ABCG1: variants seen among roughly 807,000 people sequenced by gnomAD.
ABCG1 encodes ATP binding cassette subfamily G member 1.
A neutral mutation model predicts 69.2 loss-of-function variants in ABCG1; 29 were observed. The observed-to-expected ratio is 0.42, with a 90% CI of 0.31 to 0.57. The LOEUF (loss-of-function observed/expected upper bound fraction) is 0.57, where lower values mean the gene tolerates loss of function less well. Ranked by LOEUF, ABCG1 falls within the 20% of genes least tolerant of loss-of-function variation. The pLI, the probability that ABCG1 is intolerant of heterozygous loss-of-function variation, is 0.15. For missense variants in ABCG1, 718 were observed against 898.1 expected (o/e 0.80, Z 2.56); for synonymous variants, 370 against 374.8 (o/e 0.99, Z 0.15).
intron 5 of ABCG1, among the ~76,000 whole-genome samples, 159 bp from the exon 6 acceptor site, chr21:42,282,115 G>A (rs2068820878): frequency 6.6e-6 from 1 of 152,250 alleles, no homozygotes; most frequent in Admixed American, 6.5e-5. Flanking sequence ...ACTTGGCACT[G>A]GGCAGCCTGG....
At chr21:42,212,973 A>G (rs191971973), upstream of ABCG1, among the ~76,000 whole-genome samples, 134 of 152,330 alleles carry the variant, frequency 8.8e-4, 4 homozygotes, top group Middle Eastern at 3.4e-3. Flanking sequence ...GATTACAGGC[A>G]TGAGCCACCG....
At chr21:42,269,629 G>A (rs1009151735) in intron 2 of ABCG1, among the ~76,000 whole-genome samples, 1 of 152,234 alleles carries the variant, frequency 6.6e-6, no homozygotes, top group Non-Finnish European at 1.5e-5. Flanking sequence ...GCAGTCCCAA[G>A]CTTCCTGACT....
At chr21:42,257,933 A>C (rs1045249378) in intron 2 of ABCG1, among the ~76,000 whole-genome samples, 2 of 148,850 alleles carry the variant, frequency 1.3e-5, no homozygotes, top group African/African-American at 5.0e-5. Context: ...CCATTTTCCC[A>C]TCCACTCCAT....
intron 2 of ABCG1, among the ~76,000 whole-genome samples, chr21:42,244,131 T>TA (rs1046216326): frequency 6.6e-6 from 1 of 152,178 alleles, no homozygotes; most frequent in African/African-American, 2.4e-5. Context: ...TCTTTGGCTT[T>TA]AAAAAAATGT....
intron 5 of ABCG1, among the ~76,000 whole-genome samples, chr21:42,279,672 A>G (rs1244792487): frequency 6.6e-6 from 1 of 152,240 alleles, no homozygotes; most frequent in African/African-American, 2.4e-5. Flanking sequence ...GCATAAGGCG[A>G]CAGCCACCAG....
At chr21:42,285,319 A>C (rs1426733769) in intron 7 of ABCG1, among the ~76,000 whole-genome samples, 1 of 152,002 alleles carries the variant, frequency 6.6e-6, no homozygotes, top group Non-Finnish European at 1.5e-5. Flanking sequence ...GCAACATGGT[A>C]AAACCCTGTC....
Position 42,288,226 on chromosome 21 carries a change from G to A in ABCG1, c.1138G>A (p.Glu380Lys), listed in dbSNP as rs1256616211. The A allele has an allele frequency of 6.2e-7, 1 of 1,614,200 alleles. No homozygotes were observed. The highest frequency in any genetic ancestry group is 8.5e-7 in the Non-Finnish European group (1 of 1,180,030). ...GTGTCCTCAGGACTCCTCGTCCATGGAAGGCTGCCACAGCTTCTCTGCCAG... is the reference window on the plus strand; with the variant it reads ...GTGTCCTCAGGACTCCTCGTCCATGAAAGGCTGCCACAGCTTCTCTGCCAG... ...RPSEEDSSSM[E>K]GCHSFSASCL... Residue 380 changes from glutamate (E) to lysine (K), a missense_variant, in exon 10 of 15, where the codon GAA becomes AAA. By Grantham distance (56) the Glu-to-Lys change is moderately conservative. Coordinates refer to ENST00000398449, the MANE Select transcript of ABCG1 (RefSeq NM_016818.3). The surrounding 1 kb of genome is among the most constrained non-coding windows in gnomAD (Gnocchi z 4.8).
At chr21:42,292,113 C>T (rs929714102) in intron 13 of ABCG1, among the ~76,000 whole-genome samples, 1 of 152,146 alleles carries the variant, frequency 6.6e-6, no homozygotes, top group Non-Finnish European at 1.5e-5. Flanking sequence ...CATCGCCCAC[C>T]CTGCCCCCCG....
intron 4 of ABCG1, among the ~76,000 whole-genome samples, chr21:42,274,030 G>A (rs942683828): frequency 6.6e-6 from 1 of 152,244 alleles, no homozygotes. Context: ...GGAGCCCAGG[G>A]TCACACGGCT....
intron 2 of ABCG1, among the ~76,000 whole-genome samples, chr21:42,267,269 GGTCTGGTTTGGGTTCT>G (rs2068521740): frequency 6.6e-6 from 1 of 152,196 alleles, no homozygotes; most frequent in Non-Finnish European, 1.5e-5. Flanking sequence ...CTGAGGCTCT[GGTCTGGTTTGGGTTCT>G]GTCTGGGTTC....
intron 8 of ABCG1, chr21:42,286,253 G>C: frequency 4.8e-6 from 2 of 420,490 alleles, no homozygotes; most frequent in Non-Finnish European, 8.6e-6. Context: ...GAGGACAGCA[G>C]TCATTGGATT....
At chr21:42,237,289 C>T (rs1278195282) in intron 2 of ABCG1, among the ~76,000 whole-genome samples, 1 of 152,204 alleles carries the variant, frequency 6.6e-6, no homozygotes, top group South Asian at 2.1e-4. Context: ...CCCTTTTTCT[C>T]TCCCAGCCCT....
rs375627901 is a variant in ABCG1, at chr21:42,260,222, T to G, written c.287-10848T>G. ...TCAGAGTAGATGCTCACTTCAACCC[T>G]GCAGGTGGCATTGGGCGGCAAGCAT... On this transcript the variant is annotated intron_variant, in intron 2 of 14. Coordinates refer to ENST00000398449, the MANE Select transcript of ABCG1 (RefSeq NM_016818.3). The G allele has an allele frequency of 4.5e-4, 697 of 1,540,216 alleles. 2 individuals are homozygous for G. The African/African-American group carries it at 7.3e-3, about 16-fold the overall frequency.
rs1601449895 is a variant in ABCG1, at chr21:42,287,466, A to G, written c.974-423A>G. On this transcript the variant is annotated intron_variant, in intron 8 of 14. Coordinates refer to ENST00000398449, the MANE Select transcript of ABCG1 (RefSeq NM_016818.3). This position sits in a 1 kb window ranked among gnomAD's most constrained non-coding sequence, Gnocchi z 6.2. ...ACGTCCTTCTCTGCCATCTTGTAGA[A>G]CTGCCGTGGCTCTCGTCACACCCTG... 6.6e-6 allele frequency among the ~76,000 whole-genome samples: 1 copy of G among 152,136 alleles called. No homozygotes were observed. The highest frequency in any genetic ancestry group is 2.4e-5 in the African/African-American group (1 of 41,412).
Position 42,290,103 on chromosome 21 carries a change from C to T in ABCG1, c.1278C>T (p.Gly426=). 1 of 1,614,216 alleles carries T rather than the reference C, an allele frequency of 6.2e-7. No individual in the cohort carries two copies. The highest frequency in any genetic ancestry group is 8.5e-7 in the Non-Finnish European group (1 of 1,180,036). ...ACATTGGGATCGGCCTCCTCATTGG[C>T]CTGCTGTACTTGGGGATCGGGAACG... ...TSHIGIGLLI[G]LLYLGIGNEA... is the part of the protein sequence containing the mutation. Residue 426 remains glycine (G), a synonymous_variant, in exon 11 of 15, where the codon GGC becomes GGT. Transcript: ENST00000398449.
intron 2 of ABCG1, among the ~76,000 whole-genome samples, chr21:42,250,088 T>A (rs561004948): frequency 6.7e-6 from 1 of 149,660 alleles, no homozygotes; most frequent in Non-Finnish European, 1.5e-5. Flanking sequence ...TTGGGTCACG[T>A]GTGAACACAT....
In ABCG1 at chr21:42,288,934, G is replaced by A. The variant is rs377609341; in HGVS notation, c.1224+622G>A. Among the ~76,000 whole-genome samples, 54 of 152,098 alleles carry A rather than the reference G, an allele frequency of 3.6e-4. 1 individual carries two copies. The highest frequency in any genetic ancestry group is 5.0e-4 in the Non-Finnish European group (34 of 67,998). ...GGTGGAAGGCAAAGTGGGATGGAGC[G>A]CTACACACTTTTAAACATTCAGATC... On this transcript the variant is annotated intron_variant, in intron 10 of 14. Coordinates refer to ENST00000398449, the MANE Select transcript of ABCG1 (RefSeq NM_016818.3). The surrounding 1 kb of genome is among the most constrained non-coding windows in gnomAD (Gnocchi z 4.8).
intron 2 of ABCG1, chr21:42,259,425 C>T (rs2068366366): frequency 3.9e-6 from 6 of 1,549,860 alleles, no homozygotes; most frequent in Non-Finnish European, 5.2e-6. Flanking sequence ...TGATTCAGCT[C>T]TTCAGGGAAA....
intron 5 of ABCG1, among the ~76,000 whole-genome samples, chr21:42,280,916 T>C (rs1205289830): frequency 1.3e-5 from 2 of 152,192 alleles, no homozygotes; most frequent in African/African-American, 4.8e-5. Context: ...CCACCAGCCT[T>C]TTCCAGACAG....
Sources: allele counts gnomAD v4.1 joint callset (sites outside exome capture counted in the v4.1 genomes callset), GRCh38; gene constraint gnomAD v4.1.1; non-coding constraint Gnocchi (gnomAD v3.1); transcripts MANE v1.5; gene names NCBI Gene and HGNC (gene_info 2026-07-23, HGNC 2026-07-21).